The following PLXNC1 variants were observed in gnomAD, a reference collection of about 807,000 sequenced individuals.
PLXNC1 encodes the protein plexin-C1.
PLXNC1 carries 75 observed loss-of-function variants against 178.2 expected under a neutral mutation model. The observed-to-expected ratio is 0.42, with a 90% CI of 0.35 to 0.51. The LOEUF is 0.51. Ranked by LOEUF, PLXNC1 falls within the 20% of genes least tolerant of loss-of-function variation. The probability of loss-of-function intolerance (pLI) is 0.02; values close to 1 mark genes in which losing one functional copy is unlikely to be tolerated. For synonymous variants in PLXNC1, 790 were observed against 779.9 expected (o/e 1.01, Z -0.22); for missense variants, 1,503 against 1,984.4 (o/e 0.76, Z 4.61).
intron 1 of PLXNC1, among the ~76,000 whole-genome samples, chr12:94,150,323 G>A (rs888270972): frequency 1.3e-5 from 2 of 152,208 alleles, no homozygotes; most frequent in Non-Finnish European, 2.9e-5. Context: ...ATCCTTCCCT[G>A]TCCAAACGGG....
At chr12:94,164,005 G>A (rs919401806) in intron 1 of PLXNC1, among the ~76,000 whole-genome samples, 1 of 152,150 alleles carries the variant, frequency 6.6e-6, no homozygotes, top group Non-Finnish European at 1.5e-5. Context: ...GGCAGGGCAT[G>A]TGGTATTATT....
intron 23 of PLXNC1, among the ~76,000 whole-genome samples, chr12:94,289,189 GA>G (rs879353732): frequency 5.1e-4 from 78 of 152,154 alleles, no homozygotes; most frequent in Non-Finnish European, 6.8e-4. Flanking sequence ...TGGTTTGGAG[GA>G]TGTGTAGCTC....
At position 94,165,628 on chromosome 12, in the gene PLXNC1, A is replaced by C. The variant is rs75407099; in HGVS notation, c.1063-3525A>C. Among the ~76,000 whole-genome samples the C allele has an allele frequency of 8.5e-4, 130 of 152,256 alleles. No homozygotes were observed. The East Asian group carries it at 0.018, about 21-fold the overall frequency. ...TGTGATTGTCATTTCTTAAACAGTGACTTCCTTTTGGTTCCAAGTAGCAGA... is the reference window on the plus strand; with the variant it reads ...TGTGATTGTCATTTCTTAAACAGTGCCTTCCTTTTGGTTCCAAGTAGCAGA... On this transcript the variant is annotated intron_variant, in intron 1 of 30. Coordinates refer to ENST00000258526, the MANE Select transcript of PLXNC1 (RefSeq NM_005761.3).
chr12:94,209,900 C>T (rs540052649), intron 5 of PLXNC1, among the ~76,000 whole-genome samples, 196 bp downstream of exon 5: 4 of 152,244 alleles, frequency 2.6e-5, no homozygotes, highest in South Asian at 2.1e-4. Context: ...GGGGATACAG[C>T]GGTAACCAAG....
At chr12:94,212,373 C>A (rs1336288037) in intron 5 of PLXNC1, among the ~76,000 whole-genome samples, 1 of 151,516 alleles carries the variant, frequency 6.6e-6, no homozygotes, top group East Asian at 1.9e-4. Context: ...ATGTGCACAA[C>A]GTGCAGTTTT....
chr12:94,181,135 C>T (rs994233884), intron 2 of PLXNC1, among the ~76,000 whole-genome samples: 4 of 152,066 alleles, frequency 2.6e-5, no homozygotes, highest in African/African-American at 9.7e-5. Context: ...AGTGGTGGCT[C>T]ACACCTGTTA....
intron 2 of PLXNC1, among the ~76,000 whole-genome samples, chr12:94,174,745 G>A (rs1961983906): frequency 6.6e-6 from 1 of 152,116 alleles, no homozygotes; most frequent in African/African-American, 2.4e-5. Flanking sequence ...GTGGTGGTGG[G>A]GATGACTGAG....
intron 4 of PLXNC1, among the ~76,000 whole-genome samples, chr12:94,189,097 G>A (rs1038360250): frequency 1.3e-5 from 2 of 152,240 alleles, no homozygotes; most frequent in Non-Finnish European, 2.9e-5. Flanking sequence ...AGTGAGAGCT[G>A]TAAGCATGGT....
At chr12:94,303,479 AAAT>A (rs902139217) in intron 28 of PLXNC1, among the ~76,000 whole-genome samples, 1 of 152,190 alleles carries the variant, frequency 6.6e-6, no homozygotes, top group Non-Finnish European at 1.5e-5. Context: ...AATCATGCAA[AAAT>A]AATAATTTTA....
chr12:94,221,755 C>T (rs1340143350), intron 6 of PLXNC1, among the ~76,000 whole-genome samples: 1 of 152,162 alleles, frequency 6.6e-6, no homozygotes, highest in Non-Finnish European at 1.5e-5. Context: ...TCTGACTTCG[C>T]AGATGGTGCC....
Position 94,305,598 on chromosome 12 carries a change from A to C in PLXNC1, c.*313A>C. On this transcript the variant is annotated 3_prime_UTR_variant, in exon 31 of 31. Transcript: ENST00000258526. ...TAACTACAGTCTCCACTTAAGCACA[A>C]TGATATAAGTGGTTTTGTTTGAAAA... 7.9e-6 allele frequency: 2 copies of C among 254,286 alleles called. No individual in the cohort carries two copies. Among genetic ancestry groups the C allele is most frequent in the Admixed American group, 5.1e-5 (1 of 19,692 alleles). The allele number at this position is 254,286 out of a possible 1,614,324, so 15.8% of individuals were successfully genotyped here.
At chr12:94,187,194 A>AGAGAGAG (rs1301534152) in intron 4 of PLXNC1, among the ~76,000 whole-genome samples, 35 of 147,168 alleles carry the variant, frequency 2.4e-4, no homozygotes, top group African/African-American at 8.5e-4. Context: ...GAGAGAGAGA[A>AGAGAGAG]AAAAAAACCC....
At chr12:94,159,478 T>A (rs963626375) in intron 1 of PLXNC1, among the ~76,000 whole-genome samples, 1 of 152,000 alleles carries the variant, frequency 6.6e-6, no homozygotes, top group African/African-American at 2.4e-5. Flanking sequence ...GGAAGAGCAG[T>A]GCTGGCAGAC....
chr12:94,254,472 C>T (rs777409199), intron 15 of PLXNC1: 27 of 507,886 alleles, frequency 5.3e-5, no homozygotes, highest in Admixed American at 2.8e-4. Context: ...TGTTTCATTA[C>T]GTTTCAGCCA....
At chr12:94,255,025 C>A (rs1964801638) in intron 16 of PLXNC1, 137 bp downstream of exon 16, 5 of 911,808 alleles carry the variant, frequency 5.5e-6, no homozygotes, top group Non-Finnish European at 3.4e-6. Flanking sequence ...AGGGCCTGGG[C>A]CTGGCTTTGT....
intron 12 of PLXNC1, among the ~76,000 whole-genome samples, 173 bp downstream of exon 12, chr12:94,244,198 T>A (rs1250341343): frequency 5.3e-5 from 8 of 152,238 alleles, no homozygotes; most frequent in Admixed American, 4.6e-4. Context: ...GACCTTATCC[T>A]TGTAGCTGAG....
intron 23 of PLXNC1, among the ~76,000 whole-genome samples, chr12:94,292,224 A>G (rs780508598): frequency 6.6e-6 from 1 of 152,196 alleles, no homozygotes; most frequent in Non-Finnish European, 1.5e-5. Context: ...TTTATATGAT[A>G]CCCAAGAACA....
At position 94,189,222 on chromosome 12, in the gene PLXNC1, G is replaced by A. The variant is rs577025656; in HGVS notation, c.1439+2749G>A. ...AAATACATCAAGAAAGGAGAGAGTG[G>A]CCAGGGAGCTGAGGGAGCATGTAAG... On this transcript the variant is annotated intron_variant, in intron 4 of 30. Transcript: ENST00000258526. Among the ~76,000 whole-genome samples the A allele has an allele frequency of 3.9e-5, 6 of 152,312 alleles. No homozygotes were observed. In the East Asian group the frequency reaches 1.2e-3, roughly 29 times the overall value.
At chr12:94,187,106 A>C (rs1699327912) in intron 4 of PLXNC1, among the ~76,000 whole-genome samples, 1 of 152,002 alleles carries the variant, frequency 6.6e-6, no homozygotes, top group Admixed American at 6.6e-5. Flanking sequence ...TCGCCATGGC[A>C]ACCCAGTACT....
Sources: allele counts gnomAD v4.1 joint callset (sites outside exome capture counted in the v4.1 genomes callset), GRCh38; gene constraint gnomAD v4.1.1; transcripts MANE v1.5; gene names NCBI Gene and HGNC (gene_info 2026-07-23, HGNC 2026-07-21).